MTERF4: variants seen among roughly 807,000 people sequenced by gnomAD.
MTERF4 encodes the protein mitochondrial transcription termination factor 4.
Under a neutral mutation model 22.5 loss-of-function variants are expected in MTERF4, and 17 were observed. The ratio of observed to expected loss-of-function variants is 0.75; its 90% confidence interval spans 0.52 to 1.13. MTERF4 has a LOEUF of 1.13. Ranked by LOEUF, MTERF4 falls within the 50% of genes most tolerant of loss-of-function variation. The pLI is 0.00. For missense variants in MTERF4, 420 were observed against 466.8 expected, an observed-to-expected ratio of 0.90 and a Z score of 0.92; for synonymous variants, 165 against 175.3, an observed-to-expected ratio of 0.94 and a Z score of 0.47.
downstream of MTERF4, chr2:241,094,754 C>T (rs551270302): frequency 5.3e-4 from 93 of 174,932 alleles, no homozygotes; most frequent in African/African-American, 2.1e-3. The surrounding 1 kb of genome is among the most constrained non-coding windows in gnomAD (Gnocchi z 4.3). Flanking sequence ...CTGGCCTCTA[C>T]CCACTAGAAT....
Position 241,096,413 on chromosome 2 carries a change from T to G in MTERF4, c.731A>C (p.Lys244Thr), listed in dbSNP as rs770953900. Residue 244 changes from lysine (K) to threonine (T), a missense_variant, in exon 4 of 4, where the codon AAG (lysine) becomes ACG (threonine). Physicochemically the swap from Lys to Thr is moderately conservative, Grantham distance 78. Coordinates refer to ENST00000391980, the MANE Select transcript of MTERF4 (RefSeq NM_182501.4). This position sits in a 1 kb window ranked among gnomAD's most constrained non-coding sequence, Gnocchi z 5.1. ...FQYAYFRMGIKHPDIVKSEYL... is the reference protein window; with the variant it reads ...FQYAYFRMGITHPDIVKSEYL... Reference sequence around the variant, plus strand: ...CTCACTCTTTACAATGTCTGGATGCTTAATTCCCATCCTGAAGTATGCATA... The same window carrying G: ...CTCACTCTTTACAATGTCTGGATGCGTAATTCCCATCCTGAAGTATGCATA... 2 of 1,614,026 alleles carry G rather than the reference T, an allele frequency of 1.2e-6. No individual in the cohort carries two copies. Among genetic ancestry groups the G allele is most frequent in the South Asian group, 2.2e-5 (2 of 91,082 alleles).
At chr2:241,048,443 G>A in the MTERF4 span, 1 of 1,594,010 alleles carries the variant, frequency 6.3e-7, no homozygotes, top group Non-Finnish European at 8.5e-7. Flanking sequence ...CAGGGAGAGT[G>A]CGTCTGGGCT....
chr2:241,045,207 G>A, the MTERF4 span, among the ~76,000 whole-genome samples: 5,782 of 152,282 alleles, frequency 0.038, 661 homozygotes, highest in East Asian at 0.26. Flanking sequence ...AAGACTCAAC[G>A]TAGTAAATAT....
At chr2:241,056,315 G>A in the MTERF4 span, among the ~76,000 whole-genome samples, 10 of 152,266 alleles carry the variant, frequency 6.6e-5, no homozygotes, top group South Asian at 2.1e-3. Flanking sequence ...AGGATCTCAT[G>A]GTGTTGCCCA....
chr2:241,055,808 G>T, the MTERF4 span, among the ~76,000 whole-genome samples: 2 of 152,170 alleles, frequency 1.3e-5, no homozygotes, highest in African/African-American at 4.8e-5. Context: ...AGTCTCACAA[G>T]GATTAGATTC....
chr2:241,065,355 A>G, the MTERF4 span: 1 of 1,612,888 alleles, frequency 6.2e-7, no homozygotes, highest in Non-Finnish European at 8.5e-7. Flanking sequence ...TGGGGTCTCT[A>G]TCTCCTGGAA....
chr2:241,062,739 A>C, the MTERF4 span: 381 of 1,235,190 alleles, frequency 3.1e-4, 4 homozygotes, highest in South Asian at 4.8e-3. Context: ...GTGCATCTTA[A>C]TTTGGCTTAA....
the MTERF4 span, chr2:241,052,521 G>A: frequency 5.8e-6 from 8 of 1,391,246 alleles, no homozygotes; most frequent in South Asian, 8.3e-5. Context: ...GTGCCAGGCA[G>A]GTGAGATGGC....
At chr2:241,089,267 T>C (rs944127361), downstream of MTERF4, 3 of 1,543,506 alleles carry the variant, frequency 1.9e-6, no homozygotes, top group East Asian at 7.3e-5. Context: ...TCCTGCCCCT[T>C]ATAGGAGCCC....
At chr2:241,065,256 G>A in the MTERF4 span, 6 of 1,605,580 alleles carry the variant, frequency 3.7e-6, no homozygotes, top group Non-Finnish European at 4.2e-6. Flanking sequence ...CATAGCTAAC[G>A]GCTGACCAGT....
chr2:241,048,926 G>A, the MTERF4 span: 4 of 1,264,760 alleles, frequency 3.2e-6, no homozygotes, highest in Admixed American at 2.0e-5. Context: ...ACCTGTTGGG[G>A]CCACTGGGTC....
chr2:241,065,643 A>AG, the MTERF4 span: 1 of 1,543,662 alleles, frequency 6.5e-7, no homozygotes, highest in Non-Finnish European at 8.9e-7. Context: ...CTGCCCCTCG[A>AG]GGGCAGCGCT....
downstream of MTERF4, among the ~76,000 whole-genome samples, chr2:241,082,794 A>C (rs555402148): frequency 6.6e-6 from 1 of 152,294 alleles, no homozygotes; most frequent in South Asian, 2.1e-4. Flanking sequence ...CATCTCCAAA[A>C]TGGGCTGTGG....
chr2:241,078,443 C>A (rs1275221557), intron 4 of MTERF4, among the ~76,000 whole-genome samples: 1 of 151,176 alleles, frequency 6.6e-6, no homozygotes, highest in Non-Finnish European at 1.5e-5. Context: ...TATATCCACT[C>A]AATGGAACAC....
the MTERF4 span, among the ~76,000 whole-genome samples, chr2:241,064,355 A>C: frequency 6.6e-6 from 1 of 151,820 alleles, no homozygotes; most frequent in Non-Finnish European, 1.5e-5. The surrounding 1 kb of genome is among the most constrained non-coding windows in gnomAD (Gnocchi z 7.0). Flanking sequence ...CTCACCCCCC[A>C]GACACCCCTC....
the MTERF4 span, among the ~76,000 whole-genome samples, chr2:241,045,779 G>A: frequency 1.3e-5 from 2 of 151,292 alleles, no homozygotes; most frequent in African/African-American, 4.9e-5. Flanking sequence ...GCAAAAGCAT[G>A]ATTCATTAAA....
At chr2:241,059,586 A>T in the MTERF4 span, among the ~76,000 whole-genome samples, 1 of 152,238 alleles carries the variant, frequency 6.6e-6, no homozygotes. Context: ...TGATACAGTC[A>T]TGACCAAGTG....
chr2:241,062,804 C>T, the MTERF4 span: 3 of 1,609,214 alleles, frequency 1.9e-6, no homozygotes, highest in African/African-American at 1.3e-5. Flanking sequence ...TCGATGAGTG[C>T]CGGTCTCAGC....
intron 4 of MTERF4, among the ~76,000 whole-genome samples, chr2:241,078,198 C>T (rs560291900): frequency 5.3e-5 from 8 of 150,892 alleles, no homozygotes; most frequent in African/African-American, 1.5e-4. Flanking sequence ...GTCTGGCCAA[C>T]GCGGTGAAAC....
Sources: gnomAD v4.1 joint callset for allele counts (sites outside exome capture counted in the v4.1 genomes callset) on GRCh38, gnomAD v4.1.1 for gene constraint, Gnocchi (gnomAD v3.1) non-coding constraint, MANE v1.5 for transcripts, NCBI Gene and HGNC (gene_info 2026-07-23, HGNC 2026-07-21) for gene names.